The following CDC42BPG variants were observed in gnomAD, a reference collection of about 807,000 sequenced individuals.
The protein encoded by CDC42BPG is CDC42 binding protein kinase gamma, also known as serine/threonine-protein kinase MRCK gamma.
Under a neutral mutation model 192.2 loss-of-function variants are expected in CDC42BPG, and 157 were observed. That is an observed-to-expected ratio of 0.82 (90% CI 0.72 to 0.93). The LOEUF (loss-of-function observed/expected upper bound fraction) is 0.93. Ranked by LOEUF, CDC42BPG falls within the 40% of genes least tolerant of loss-of-function variation. The pLI, the probability that CDC42BPG is intolerant of heterozygous loss-of-function variation, is 0.00. For synonymous variants in CDC42BPG, 981 were observed against 918.5 expected, an observed-to-expected ratio of 1.07 and a Z score of -1.23; for missense variants, 1,992 against 2,122.1, an observed-to-expected ratio of 0.94 and a Z score of 1.20.
intron 11 of CDC42BPG, 61 bp from the exon 12 acceptor site, chr11:64,836,591 C>A (rs537540423): frequency 2.7e-6 from 4 of 1,464,778 alleles, no homozygotes; most frequent in Non-Finnish European, 3.8e-6. Context: ...AGCCCAGGAG[C>A]AAGTCTCCTT....
rs560889283 is a variant in CDC42BPG, at chr11:64,843,381, G to A, written c.160+1029C>T. 3.0e-3 allele frequency among the ~76,000 whole-genome samples: 462 copies of A among 152,202 alleles called. 4 individuals carry two copies. Among genetic ancestry groups the A allele is most frequent in the African/African-American group, 0.01 (420 of 41,534 alleles). On this transcript the variant is annotated intron_variant, in intron 1 of 36. Transcript: ENST00000342711. ...CAACACAGGCAGACAGGCATAGCAC[G>A]GAGGCATACCAGGGAGACAGGCACA...
Position 64,840,100 on chromosome 11 carries a change from C to T in CDC42BPG, c.581+20G>A. ...GGCAGGGCAGCGGGGTTGGGCAGGG[C>T]AGCGGGGTTGGGGCCCCACCTGTGG... On this transcript the variant is annotated intron_variant, in intron 5 of 36. Coordinates refer to ENST00000342711, the MANE Select transcript of CDC42BPG (RefSeq NM_017525.3). 1 of 1,604,516 alleles carries T rather than the reference C, an allele frequency of 6.2e-7. No individual in the cohort carries two copies. The highest frequency in any genetic ancestry group is 8.5e-7 in the Non-Finnish European group (1 of 1,175,784).
chr11:64,833,062 G>A (rs1942780157), intron 24 of CDC42BPG, 103 bp from the exon 25 acceptor site: 1 of 1,392,232 alleles, frequency 7.2e-7, no homozygotes, highest in Admixed American at 2.4e-5. Flanking sequence ...AGCCACGGTG[G>A]CACCCGAACT....
At chr11:64,839,609 C>A in intron 5 of CDC42BPG, 38 bp from the exon 6 acceptor site, 1 of 1,577,476 alleles carries the variant, frequency 6.3e-7, no homozygotes, top group Non-Finnish European at 8.6e-7. Context: ...GGCGTTTGAC[C>A]TGTGTGTAAG....
Position 64,830,037 on chromosome 11 carries a change from T to C in CDC42BPG, c.3401A>G (p.Gln1134Arg). ...TGCACTGGGGCTCAAGGTCAGCTGC[T>C]GCACGCGCCGGCACTCCCCCACCTG... The part of the protein sequence containing the change: ...IFQVGECRRV[Q>R]QLTLSPSAGL... Residue 1134 changes from glutamine (Q) to arginine (R), a missense_variant, in exon 30 of 37, where the codon CAG (glutamine) becomes CGG (arginine). Physicochemically the swap from Gln to Arg is conservative, Grantham distance 43. Around this residue, in one of 2 missense-constraint regions of CDC42BPG, gnomAD observed 1,656 missense variants for 1,844.3 expected, o/e 0.90. Transcript: ENST00000342711. The C allele has an allele frequency of 1.9e-6, 3 of 1,612,462 alleles. No homozygotes were observed. The highest frequency in any genetic ancestry group is 2.7e-5 in the African/African-American group (2 of 75,046).
chr11:64,832,823 C>T lies in CDC42BPG; in HGVS notation c.2865+3G>A, dbSNP rs1942763870. 1.9e-6 allele frequency: 3 copies of T among 1,587,218 alleles called. No individual in the cohort carries two copies. The highest frequency in any genetic ancestry group is 2.6e-6 in the Non-Finnish European group (3 of 1,167,052). Reference sequence around the variant, plus strand: ...ATCTTCCCCTCCCTCGGCCCCCACTCACCGACAGAAAGCCCTCATAGGCAG... The same window carrying T: ...ATCTTCCCCTCCCTCGGCCCCCACTTACCGACAGAAAGCCCTCATAGGCAG... On this transcript the variant is annotated splice_donor_region_variant and intron_variant, in intron 25 of 36. Transcript: ENST00000342711.
rs779087727 is a variant in CDC42BPG, at chr11:64,826,737, A to AGCTGTGGGGCC, written c.4436_4446dup (p.Phe1483GlyfsTer27). 23 of 1,546,634 alleles carry AGCTGTGGGGCC rather than the reference A, an allele frequency of 1.5e-5. No individual in the cohort carries two copies. Among genetic ancestry groups the AGCTGTGGGGCC allele is most frequent in the Non-Finnish European group, 1.8e-5 (21 of 1,147,290 alleles). On this transcript the variant is annotated frameshift_variant, in exon 35 of 37. Coordinates refer to ENST00000342711, the MANE Select transcript of CDC42BPG (RefSeq NM_017525.3). LOFTEE classifies it high-confidence loss of function. ...GCTGGGCGCCGCAACGCCTCGGAGAAGCTGTGGGGCCGCTGTGGGCCGGAG... is the reference window on the plus strand; with the variant it reads ...GCTGGGCGCCGCAACGCCTCGGAGAAGCTGTGGGGCCGCTGTGGGGCCGCTGTGGGCCGGAG...
chr11:64,844,201 G>A (rs980197329), intron 1 of CDC42BPG, among the ~76,000 whole-genome samples: 1 of 152,010 alleles, frequency 6.6e-6, no homozygotes, highest in African/African-American at 2.4e-5. Flanking sequence ...GTGAGAGGGA[G>A]AGAGCGTGTG....
In CDC42BPG at chr11:64,827,071, G is replaced by C. The variant is rs750631432; in HGVS notation, c.4368C>G (p.Pro1456=). The C allele has an allele frequency of 1.2e-5, 20 of 1,612,556 alleles. No individual in the cohort carries two copies. Among genetic ancestry groups the C allele is most frequent in the Admixed American group, 1.7e-5 (1 of 60,010 alleles). The change falls in exon 34 of 37, where the codon CCC becomes CCG. Residue 1456 remains proline, a synonymous_variant. Coordinates refer to ENST00000342711, the MANE Select transcript of CDC42BPG (RefSeq NM_017525.3). ...LVHVGPANGR[P]GARDKSPAPE... is the part of the protein sequence containing the mutation. ...TAACCGGGGACTTGTCCCTGGCGCC[G>C]GGCCGCCCGTTGGCAGGGCCCACGT...
chr11:64,824,421 GCTCC>G lies in CDC42BPG; in HGVS notation c.*48_*51del. On this transcript the variant is annotated 3_prime_UTR_variant, in exon 37 of 37. Transcript: ENST00000342711. The stretch of plus-strand genomic sequence containing the variant: ...GAGTATGGCATTCCTCAAGCTCTTT[GCTCC>G]CTCATGTCCTTCTGCCCTGGGATTG... 8.2e-7 allele frequency: 1 copy of G among 1,223,100 alleles called. No individual in the cohort carries two copies. Among genetic ancestry groups the G allele is most frequent in the Non-Finnish European group, 1.2e-6 (1 of 821,442 alleles). 75.8% of individuals were successfully genotyped at this position (1,223,100 alleles called of 1,614,324 possible).
In CDC42BPG at chr11:64,833,965, G is replaced by C. The variant is rs1314815486; in HGVS notation, c.2426C>G (p.Ser809Ter). 6.2e-7 allele frequency: 1 copy of C among 1,614,212 alleles called. No homozygotes were observed. Among genetic ancestry groups the C allele is most frequent in the Middle Eastern group, 1.6e-4 (1 of 6,062 alleles). Residue 809 changes from serine (S) to a stop codon, truncating the protein, a stop_gained, in exon 21 of 37, where the codon TCA becomes TGA. Coordinates refer to ENST00000342711, the MANE Select transcript of CDC42BPG (RefSeq NM_017525.3). LOFTEE classifies it high-confidence loss of function. ...GGACAGGAAGGGAATCAGGGAGTTT[G>C]AGGGCTTGGTGTCTGCAAAGAAAGG... ...RARGPVDTKP[S>*]NSLIPFLSFR...
Position 64,831,654 on chromosome 11 carries a change from C to T in CDC42BPG, c.3155G>A (p.Gly1052Glu). The stretch of plus-strand genomic sequence containing the variant: ...CACCTGCAGCCAGCGTTCCCGCTCC[C>T]CCTCGCTCTCTGCCAGCAGCAGCAC... Reference protein sequence around the residue: ...CTVLLLAESEGERERWLQVLG... With the variant: ...CTVLLLAESEEERERWLQVLG... The change falls in exon 28 of 37, where the codon GGG becomes GAG. Residue 1052 changes from glycine (G) to glutamate (E), a missense_variant. Coordinates refer to ENST00000342711, the MANE Select transcript of CDC42BPG (RefSeq NM_017525.3). 6.2e-7 allele frequency: 1 copy of T among 1,610,544 alleles called. No homozygotes were observed. Among genetic ancestry groups the T allele is most frequent in the Non-Finnish European group, 8.5e-7 (1 of 1,179,734 alleles).
Position 64,826,508 on chromosome 11 carries a change from G to A in CDC42BPG, c.4561C>T (p.Pro1521Ser). The A allele has an allele frequency of 1.2e-6, 2 of 1,605,566 alleles. No individual in the cohort carries two copies. Among genetic ancestry groups the A allele is most frequent in the Non-Finnish European group, 1.7e-6 (2 of 1,176,462 alleles). The change falls in exon 36 of 37, where the codon CCC (proline) becomes TCC (serine). Residue 1521 changes from proline to serine, a missense_variant. By Grantham distance (74) the Pro-to-Ser change is moderately conservative (BLOSUM62 -1). Transcript: ENST00000342711. Reference protein sequence around the residue: ...TSLSSESVSCPQGSLSPATSL... With the variant: ...TSLSSESVSCSQGSLSPATSL... ...GTTGCAGGGCTCAGCGATCCCTGGG[G>A]GCAGGACACAGACTCGCTGGACAGG...
intron 1 of CDC42BPG, among the ~76,000 whole-genome samples, chr11:64,843,211 C>T (rs1184862204): frequency 1.3e-5 from 2 of 151,996 alleles, no homozygotes; most frequent in Non-Finnish European, 2.9e-5. Context: ...GAATGAGTCA[C>T]AGCCCTTTGA....
Position 64,826,764 on chromosome 11 carries a change from C to G in CDC42BPG, c.4420G>C (p.Gly1474Arg). 6.5e-7 allele frequency: 1 copy of G among 1,528,508 alleles called. No homozygotes were observed. The highest frequency in any genetic ancestry group is 8.8e-7 in the Non-Finnish European group (1 of 1,139,076). 94.7% of individuals were successfully genotyped at this position (1,528,508 alleles called of 1,614,324 possible). ...CTGTGGGGCCGCTGTGGGCCGGAGC[C>G]GCGGGCAACTCGGCCCTTCTCTTCG... Reference protein sequence around the residue: ...APEEKGRVARGSGPQRPHSFS... With the variant: ...APEEKGRVARRSGPQRPHSFS... Residue 1474 changes from glycine (G) to arginine (R), a missense_variant, in exon 35 of 37, where the codon GGC (glycine) becomes CGC (arginine). Coordinates refer to ENST00000342711, the MANE Select transcript of CDC42BPG (RefSeq NM_017525.3).
intron 3 of CDC42BPG, 146 bp downstream of exon 3, chr11:64,841,504 A>G (rs974365800): frequency 1.7e-4 from 113 of 670,722 alleles, no homozygotes; most frequent in Middle Eastern, 4.3e-4. Context: ...TGTGAGAAAG[A>G]TAACAAATCA....
rs1485008364 is a variant in CDC42BPG at position 64,833,607 on chromosome 11, G to A, written c.2618C>T (p.Pro873Leu). 6.2e-7 allele frequency: 1 copy of A among 1,610,230 alleles called. No homozygotes were observed. The highest frequency in any genetic ancestry group is 1.7e-5 in the Admixed American group (1 of 59,330). Residue 873 changes from proline to leucine, a missense_variant, in exon 23 of 37, where the codon CCT becomes CTT. Physicochemically the swap from Pro to Leu is moderately conservative, Grantham distance 98. Around this residue, in one of 2 missense-constraint regions of CDC42BPG, gnomAD observed 1,656 missense variants for 1,844.3 expected, o/e 0.90. Transcript: ENST00000342711. ...GCCCCTCTGGGCACTGACCTTAGCA[G>A]GAAGACCTTCTGTAGAGGCTGTGTT... ...TANTASTEGL[P>L]AKPGSHTLRP... is the part of the protein sequence containing the mutation.
At chr11:64,826,576 G>A (rs778825991) in intron 35 of CDC42BPG, 21 bp from the exon 36 acceptor site, 4 of 1,595,100 alleles carry the variant, frequency 2.5e-6, no homozygotes, top group Admixed American at 3.6e-5. Context: ...AGCAGACGAG[G>A]AGACAAAAAT....
intron 20 of CDC42BPG, 79 bp from the exon 21 acceptor site, chr11:64,834,056 C>A: frequency 6.3e-7 from 1 of 1,586,232 alleles, no homozygotes; most frequent in South Asian, 1.1e-5. Flanking sequence ...CAGTTCCCAC[C>A]TCAGTAAAAT....
Sources: gnomAD v4.1 joint callset for allele counts (sites outside exome capture counted in the v4.1 genomes callset) on GRCh38, gnomAD v4.1.1 for gene constraint, gnomAD v4.1.1 regional missense constraint, MANE v1.5 for transcripts, NCBI Gene and HGNC (gene_info 2026-07-23, HGNC 2026-07-21) for gene names.